The following PTPRD variants were observed in gnomAD, a reference collection of about 807,000 sequenced individuals.
PTPRD encodes receptor-type tyrosine-protein phosphatase delta.
In PTPRD, 34 loss-of-function variants were observed where a neutral mutation model predicts 214.5. That is an observed-to-expected ratio of 0.16 (90% CI 0.12 to 0.21). PTPRD has a LOEUF of 0.21. PTPRD is among the 10% of genes least tolerant of loss of function. The probability of loss-of-function intolerance (pLI) is 1.00; values close to 1 mark genes in which losing one functional copy is unlikely to be tolerated. For synonymous variants in PTPRD, 1,128 were observed against 845.7 expected (o/e 1.33, Z -5.79); for missense variants, 2,545 against 2,398.7 (o/e 1.06, Z -1.27).
intron 11 of PTPRD, among the ~76,000 whole-genome samples, chr9:8,814,442 G>T (rs1258302230): frequency 6.6e-6 from 1 of 152,146 alleles, no homozygotes; most frequent in African/African-American, 2.4e-5. Context: ...GGAAACCAGG[G>T]GCGGCTGCAA....
At chr9:10,453,397 G>C (rs1422281468) in intron 2 of PTPRD, among the ~76,000 whole-genome samples, 1 of 151,512 alleles carries the variant, frequency 6.6e-6, no homozygotes, top group Non-Finnish European at 1.5e-5. Flanking sequence ...TGCCACATTG[G>C]ATAGTATAGA....
At chr9:9,005,892 A>G (rs1307073514) in intron 11 of PTPRD, among the ~76,000 whole-genome samples, 1 of 151,982 alleles carries the variant, frequency 6.6e-6, no homozygotes, top group African/African-American at 2.4e-5. Context: ...AACCTATAGG[A>G]CTTGCTATAG....
intron 14 of PTPRD, among the ~76,000 whole-genome samples, chr9:8,556,482 A>G (rs1377169156): frequency 1.3e-5 from 2 of 152,180 alleles, no homozygotes; most frequent in Admixed American, 1.3e-4. Context: ...CAAGGCCACC[A>G]AAATATACTG....
At chr9:9,192,868 A>G (rs2099936092) in intron 9 of PTPRD, among the ~76,000 whole-genome samples, 1 of 152,090 alleles carries the variant, frequency 6.6e-6, no homozygotes, top group Admixed American at 6.6e-5. Flanking sequence ...GCTGCAGCGT[A>G]TGTTCCTCCA....
rs2099771939 is a variant in PTPRD at position 9,089,167 on chromosome 9, G to C, written c.-142-70432C>G. Among the ~76,000 whole-genome samples, 3 of 152,118 alleles carry C rather than the reference G, an allele frequency of 2.0e-5. No homozygotes were observed. In the South Asian group the frequency reaches 6.2e-4, roughly 31 times the overall value. On this transcript the variant is annotated intron_variant, in intron 10 of 45. Coordinates refer to ENST00000381196, the MANE Select transcript of PTPRD (RefSeq NM_002839.4). ...GGGGTGGCATATGTAAGATATTCTT[G>C]TGTTGAAGGACTTGACACAGTTGAC...
chr9:8,805,412 A>G (rs2096655661), intron 11 of PTPRD, among the ~76,000 whole-genome samples: 1 of 152,184 alleles, frequency 6.6e-6, no homozygotes, highest in African/African-American at 2.4e-5. Flanking sequence ...ATCAGAAATG[A>G]AAATATTATG....
At chr9:10,387,450 A>T (rs2097939862) in intron 2 of PTPRD, among the ~76,000 whole-genome samples, 1 of 151,852 alleles carries the variant, frequency 6.6e-6, no homozygotes, top group Non-Finnish European at 1.5e-5. Context: ...AGGTCTCCTC[A>T]TCCTCATTAG....
chr9:9,054,866 T>A (rs1412097), intron 10 of PTPRD, among the ~76,000 whole-genome samples: 1 of 152,180 alleles, frequency 6.6e-6, no homozygotes, highest in Non-Finnish European at 1.5e-5. Context: ...GCTAGTGTTG[T>A]GCAAGGGAAC....
chr9:10,010,620 G>A (rs377557551), intron 4 of PTPRD, among the ~76,000 whole-genome samples: 9 of 151,870 alleles, frequency 5.9e-5, no homozygotes, highest in East Asian at 5.8e-4. Context: ...GTTAATGGTG[G>A]CTGGATTTCC....
At chr9:9,689,894 T>C (rs1195844731) in intron 7 of PTPRD, among the ~76,000 whole-genome samples, 1 of 151,866 alleles carries the variant, frequency 6.6e-6, no homozygotes, top group Non-Finnish European at 1.5e-5. Context: ...TACTAGGCAC[T>C]TAATTAGGTT....
At chr9:10,006,559 G>A (rs1223026332) in intron 4 of PTPRD, among the ~76,000 whole-genome samples, 1 of 151,936 alleles carries the variant, frequency 6.6e-6, no homozygotes, top group Non-Finnish European at 1.5e-5. Context: ...GCAGAGTTGA[G>A]AGAATATGCA....
At chr9:10,409,515 A>G (rs2154504731) in intron 2 of PTPRD, among the ~76,000 whole-genome samples, 1 of 151,902 alleles carries the variant, frequency 6.6e-6, no homozygotes, top group East Asian at 2.0e-4. Context: ...CCAATATTTA[A>G]GGCTAAACTC....
chr9:10,503,193 CAA>C (rs753847764), intron 2 of PTPRD, among the ~76,000 whole-genome samples: 75 of 69,068 alleles, frequency 1.1e-3, no homozygotes, highest in African/African-American at 2.9e-3. Context: ...AGCTGCAATA[CAA>C]AAAAAAAAAA....
intron 4 of PTPRD, among the ~76,000 whole-genome samples, chr9:10,015,393 T>C (rs2096684099): frequency 7.1e-6 from 1 of 141,422 alleles, no homozygotes; most frequent in Non-Finnish European, 1.6e-5. Context: ...TAGCACAAAG[T>C]CAATGTGTCT....
At chr9:8,526,515 A>T in intron 17 of PTPRD, 112 bp downstream of exon 17, 3 of 912,316 alleles carry the variant, frequency 3.3e-6, no homozygotes, top group Middle Eastern at 2.3e-4. Context: ...GAAAAAAAAA[A>T]AGTTGATGGA....
chr9:9,598,233 A>T (rs951915196), intron 7 of PTPRD, among the ~76,000 whole-genome samples: 2 of 152,062 alleles, frequency 1.3e-5, no homozygotes, highest in African/African-American at 4.8e-5. Flanking sequence ...CTCAAGGTGG[A>T]CACAGTCCCA....
chr9:10,152,216 G>A (rs72696930), intron 3 of PTPRD, among the ~76,000 whole-genome samples: 55 of 152,184 alleles, frequency 3.6e-4, no homozygotes, highest in African/African-American at 9.9e-4. Flanking sequence ...AGTTTTAGTC[G>A]TTCTAGTAAC....
chr9:9,308,175 G>C (rs933096937), intron 9 of PTPRD, among the ~76,000 whole-genome samples: 2 of 152,052 alleles, frequency 1.3e-5, no homozygotes, highest in African/African-American at 4.8e-5. Context: ...TTTTTAATGC[G>C]TGATTTTGGG....
chr9:9,975,796 T>C (rs1055920016), intron 4 of PTPRD, among the ~76,000 whole-genome samples: 1 of 152,196 alleles, frequency 6.6e-6, no homozygotes, highest in African/African-American at 2.4e-5. Context: ...TCTGTTACCT[T>C]GATTGCATTA....
Sources: allele counts gnomAD v4.1 joint callset (sites outside exome capture counted in the v4.1 genomes callset), GRCh38; gene constraint gnomAD v4.1.1; transcripts MANE v1.5; gene names NCBI Gene and HGNC (gene_info 2026-07-23, HGNC 2026-07-21).